Variants in TTC17 observed in about 807,000 individuals in gnomAD.
TTC17 encodes the protein tetratricopeptide repeat domain 17, also known as tetratricopeptide repeat protein 17.
A neutral mutation model predicts 143.8 loss-of-function variants in TTC17; 58 were observed. The observed-to-expected ratio is 0.40, with a 90% confidence interval of 0.33 to 0.50. The LOEUF is 0.50. Ranked by LOEUF, TTC17 falls within the 20% of genes least tolerant of loss-of-function variation. The pLI, the probability that TTC17 is intolerant of heterozygous loss-of-function variation, is 0.49. For synonymous variants in TTC17, 501 were observed against 497.8 expected, an observed-to-expected ratio of 1.01 and a Z score of -0.09; for missense variants, 1,273 against 1,392.5, an observed-to-expected ratio of 0.91 and a Z score of 1.37.
At chr11:43,405,403 A>G in intron 11 of TTC17, 111 bp from the exon 12 acceptor site, 1 of 795,034 alleles carries the variant, frequency 1.3e-6, no homozygotes. Flanking sequence ...CCATAATCTT[A>G]AGATATTATA....
chr11:43,432,304 A>G (rs1183626049), intron 16 of TTC17, among the ~76,000 whole-genome samples: 1 of 152,204 alleles, frequency 6.6e-6, no homozygotes, highest in Non-Finnish European at 1.5e-5. Context: ...TACCCTATTT[A>G]TGCAGGAGAT....
chr11:43,490,450 C>G, intron 22 of TTC17, 92 bp downstream of exon 22: 1 of 1,468,760 alleles, frequency 6.8e-7, no homozygotes. Flanking sequence ...CTCCCTCATG[C>G]TCAGCCAGTG....
chr11:43,486,546 A>G, intron 21 of TTC17: 2 of 298,412 alleles, frequency 6.7e-6, no homozygotes, highest in South Asian at 5.7e-5. Flanking sequence ...CAGAGATAGA[A>G]CTATGTTTAA....
intron 16 of TTC17, among the ~76,000 whole-genome samples, chr11:43,428,194 A>T (rs577335657): frequency 6.6e-6 from 1 of 152,138 alleles, no homozygotes; most frequent in Non-Finnish European, 1.5e-5. Flanking sequence ...CTCGACCCTC[A>T]TTGAAAACTA....
intron 21 of TTC17, among the ~76,000 whole-genome samples, chr11:43,465,538 A>G (rs991185450): frequency 6.6e-6 from 1 of 152,220 alleles, no homozygotes; most frequent in Non-Finnish European, 1.5e-5. Context: ...AATCAAATGG[A>G]TATTCTAGAG....
chr11:43,405,652 A>G (rs763905818), intron 12 of TTC17, 23 bp downstream of exon 12: 14 of 1,612,888 alleles, frequency 8.7e-6, no homozygotes, highest in African/African-American at 1.3e-5. Flanking sequence ...GGATTTGGCA[A>G]AGCACCTGAT....
Position 43,391,806 on chromosome 11 carries a change from TTTTC to T in TTC17, c.532-12_532-9del. ...ATCCTTTGATATGTCTTTTGAATCT[TTTTC>T]TTCTCTTCAGGGTGTACAGGAGAGA... On this transcript the variant is annotated splice_polypyrimidine_tract_variant and intron_variant, in intron 4 of 23. Coordinates refer to ENST00000039989, the MANE Select transcript of TTC17 (RefSeq NM_018259.6). 1 of 1,608,660 alleles carries T rather than the reference TTTTC, an allele frequency of 6.2e-7. No homozygotes were observed. Among genetic ancestry groups the T allele is most frequent in the Non-Finnish European group, 8.5e-7 (1 of 1,178,842 alleles).
intron 21 of TTC17, among the ~76,000 whole-genome samples, chr11:43,462,918 A>ATTTTTTT (rs1369564202): frequency 3.1e-5 from 3 of 95,316 alleles, no homozygotes; most frequent in African/African-American, 4.8e-5. Context: ...CAGTGACAAA[A>ATTTTTTT]TTCTTTTTTT....
chr11:43,406,983 A>G (rs868312996), intron 13 of TTC17, among the ~76,000 whole-genome samples, 155 bp from the exon 14 acceptor site: 22 of 152,314 alleles, frequency 1.4e-4, no homozygotes, highest in Middle Eastern at 6.8e-3. Context: ...ACCTGTTGGT[A>G]TGTGAATGAA....
At chr11:43,405,991 T>G (rs1409920977) in intron 13 of TTC17, 40 bp downstream of exon 13, 2 of 1,593,402 alleles carry the variant, frequency 1.3e-6, no homozygotes, top group African/African-American at 1.4e-5. Context: ...CCGTCCATTC[T>G]GGGTGACTTC....
intron 4 of TTC17, 81 bp downstream of exon 4, chr11:43,391,657 C>A (rs1857394931): frequency 5.7e-6 from 7 of 1,227,746 alleles, no homozygotes; most frequent in Non-Finnish European, 7.9e-6. Flanking sequence ...AAGACCATTT[C>A]TCTTTCTTCT....
chr11:43,414,528 G>T (rs138802263), intron 15 of TTC17, 62 bp from the exon 16 acceptor site: 119 of 1,539,952 alleles, frequency 7.7e-5, no homozygotes, highest in Non-Finnish European at 1.0e-4. Flanking sequence ...TACTGTAAAC[G>T]TTTTGTAACT....
rs546561089 is a variant in TTC17 at position 43,477,092 on chromosome 11, G to A, written c.3031-13147G>A. Among the ~76,000 whole-genome samples, 38 of 152,188 alleles carry A rather than the reference G, an allele frequency of 2.5e-4. 1 individual carries two copies. In the South Asian group the frequency reaches 6.4e-3, roughly 26 times the overall value. ...AAGTTCCACAAATCTCTAGGACAGG[G>A]GCAAAATGCCACCAGTCTCTTTGCT... On this transcript the variant is annotated intron_variant, in intron 21 of 23. Transcript: ENST00000039989.
At position 43,470,673 on chromosome 11, in the gene TTC17, G is replaced by A. The variant is rs562807064; in HGVS notation, c.3030+19408G>A. Reference sequence around the variant, plus strand: ...TTTAGGCTCACGGACGGACTTCCACGACCTTGAGTTAAAACTTTAGGGTAG... The same window carrying A: ...TTTAGGCTCACGGACGGACTTCCACAACCTTGAGTTAAAACTTTAGGGTAG... On this transcript the variant is annotated intron_variant, in intron 21 of 23. Coordinates refer to ENST00000039989, the MANE Select transcript of TTC17 (RefSeq NM_018259.6). Among the ~76,000 whole-genome samples, 12 of 152,304 alleles carry A rather than the reference G, an allele frequency of 7.9e-5. No individual in the cohort carries two copies. The East Asian group carries it at 9.7e-4, about 12-fold the overall frequency.
intron 16 of TTC17, among the ~76,000 whole-genome samples, chr11:43,441,175 G>A (rs1482408728): frequency 6.6e-6 from 1 of 151,522 alleles, no homozygotes; most frequent in African/African-American, 2.4e-5. Context: ...GGAGGCTGAG[G>A]CAGGAGAATC....
chr11:43,417,699 G>A (rs1449225993), intron 16 of TTC17, among the ~76,000 whole-genome samples: 1 of 152,120 alleles, frequency 6.6e-6, no homozygotes, highest in Non-Finnish European at 1.5e-5. Flanking sequence ...AGCTGGGCGT[G>A]ATAGCGGGCA....
rs1470074438 is a variant in TTC17 at position 43,494,466 on chromosome 11, G to C, written c.*562G>C. 6.6e-6 allele frequency: 1 copy of C among 151,906 alleles called. No individual in the cohort carries two copies. Among genetic ancestry groups the C allele is most frequent in the Non-Finnish European group, 1.5e-5 (1 of 68,024 alleles). 9.4% of individuals were successfully genotyped at this position (151,906 alleles called of 1,614,324 possible). On this transcript the variant is annotated 3_prime_UTR_variant, in exon 24 of 24. Coordinates refer to ENST00000039989, the MANE Select transcript of TTC17 (RefSeq NM_018259.6). ...GTTTGCAGGGGAGGAAGGGGAATATGATTTTAAAAACAAAATATTTACAAC... is the reference window on the plus strand; with the variant it reads ...GTTTGCAGGGGAGGAAGGGGAATATCATTTTAAAAACAAAATATTTACAAC...
intron 21 of TTC17, among the ~76,000 whole-genome samples, chr11:43,474,534 G>A (rs1948150134): frequency 6.6e-6 from 1 of 152,086 alleles, no homozygotes; most frequent in Non-Finnish European, 1.5e-5. Context: ...TTTTAATAAA[G>A]CAGTTTCTAC....
chr11:43,359,111 C>T lies in TTC17; in HGVS notation c.157C>T (p.Gln53Ter). Residue 53 changes from glutamine to a stop codon, truncating the protein, a stop_gained and splice_region_variant, in exon 1 of 24, where the codon CAG becomes TAG. Coordinates refer to ENST00000039989, the MANE Select transcript of TTC17 (RefSeq NM_018259.6). LOFTEE classifies it high-confidence loss of function. ...CACGGAGGACGGGAAAATCCAGCAGCAGGTAGCGGCCGGGGCGTCCCTCTT... is the reference window on the plus strand; with the variant it reads ...CACGGAGGACGGGAAAATCCAGCAGTAGGTAGCGGCCGGGGCGTCCCTCTT... ...VVTEDGKIQQ[Q>*]VDSPMNLKHP... 6.3e-7 allele frequency: 1 copy of T among 1,582,538 alleles called. No homozygotes were observed. The highest frequency in any genetic ancestry group is 8.6e-7 in the Non-Finnish European group (1 of 1,166,550).
Sources: allele counts gnomAD v4.1 joint callset (sites outside exome capture counted in the v4.1 genomes callset), GRCh38; gene constraint gnomAD v4.1.1; transcripts MANE v1.5; gene names NCBI Gene and HGNC (gene_info 2026-07-23, HGNC 2026-07-21).